The following CSMD2 variants were observed in gnomAD, a reference collection of about 807,000 sequenced individuals.
The protein encoded by CSMD2 is CUB and Sushi multiple domains 2, also known as CUB and sushi domain-containing protein 2.
In CSMD2, 130 loss-of-function variants were observed where a neutral mutation model predicts 398.5. The ratio of observed to expected loss-of-function variants is 0.33; its 90% confidence interval spans 0.28 to 0.38. The LOEUF is 0.38. Ranked by LOEUF, CSMD2 falls within the 10% of genes least tolerant of loss-of-function variation. The pLI is 1.00. For missense variants in CSMD2, 3,829 were observed against 4,764.9 expected (o/e 0.80, Z 5.78); for synonymous variants, 1,828 against 1,908.5 (o/e 0.96, Z 1.10).
intron 6 of CSMD2, among the ~76,000 whole-genome samples, chr1:33,840,622 G>A (rs1455675348): frequency 1.3e-5 from 2 of 152,190 alleles, no homozygotes; most frequent in Admixed American, 6.5e-5. Flanking sequence ...ATAAGAATAT[G>A]TGCTTTAAAT....
chr1:33,582,474 C>T (rs974720434), intron 47 of CSMD2, among the ~76,000 whole-genome samples: 2 of 152,156 alleles, frequency 1.3e-5, no homozygotes, highest in Non-Finnish European at 2.9e-5. Flanking sequence ...CAGACTTGAG[C>T]CAGGTTTCAT....
chr1:33,635,537 T>C lies in CSMD2; in HGVS notation c.4970-207A>G, dbSNP rs1642745721. 6.6e-6 allele frequency among the ~76,000 whole-genome samples: 1 copy of C among 152,204 alleles called. No individual in the cohort carries two copies. Among genetic ancestry groups the C allele is most frequent in the African/African-American group, 2.4e-5 (1 of 41,454 alleles). On this transcript the variant is annotated intron_variant, in intron 30 of 70. Coordinates refer to ENST00000373381, the MANE Select transcript of CSMD2 (RefSeq NM_001281956.2). This position sits in a 1 kb window ranked among gnomAD's most constrained non-coding sequence, Gnocchi z 5.0. The stretch of plus-strand genomic sequence containing the variant: ...CTGGCATGTAGCCTGAAACTTGCCC[T>C]GAAGCTACCGAGGGCCCTCTTGGGC...
intron 3 of CSMD2, among the ~76,000 whole-genome samples, chr1:33,944,236 C>T (rs1379355496): frequency 6.6e-6 from 1 of 152,006 alleles, no homozygotes; most frequent in Non-Finnish European, 1.5e-5. Context: ...GAACGCCCCC[C>T]CCCCAACTCC....
In CSMD2 at chr1:33,546,162, C is replaced by T; in HGVS notation, c.8975G>A (p.Gly2992Glu). The T allele has an allele frequency of 1.2e-6, 2 of 1,614,222 alleles. No homozygotes were observed. Among genetic ancestry groups the T allele is most frequent in the Non-Finnish European group, 1.7e-6 (2 of 1,180,036 alleles). The change falls in exon 57 of 71, where the codon GGG becomes GAG. Residue 2992 changes from glycine to glutamate, a missense_variant. Physicochemically the swap from Gly to Glu is moderately conservative, Grantham distance 98 (BLOSUM62 -2). Transcript: ENST00000373381. Reference protein sequence around the residue: ...PGIPAHGIRLGDSFDPGTVMR... With the variant: ...PGIPAHGIRLEDSFDPGTVMR... ...CACAGTGCCTGGATCAAAGCTGTCC[C>T]CCAAACGGATGCCATGAGCCGGGAT...
chr1:34,118,131 A>T (rs1030876374), intron 1 of CSMD2, among the ~76,000 whole-genome samples: 2 of 152,132 alleles, frequency 1.3e-5, no homozygotes, highest in Non-Finnish European at 2.9e-5. Context: ...CAAGAGAATC[A>T]CTTGAACCCA....
intron 29 of CSMD2, among the ~76,000 whole-genome samples, 156 bp downstream of exon 29, chr1:33,646,492 G>A (rs554175655): frequency 1.3e-5 from 2 of 152,322 alleles, no homozygotes; most frequent in South Asian, 2.1e-4. Context: ...GATGGGGGCC[G>A]CAGGAAAGGC....
intron 37 of CSMD2, among the ~76,000 whole-genome samples, chr1:33,620,067 G>T (rs1454678960): frequency 6.6e-6 from 1 of 152,190 alleles, no homozygotes; most frequent in African/African-American, 2.4e-5. Context: ...AGAGAAAAAT[G>T]GAGGGGGATA....
chr1:34,015,372 A>G (rs1647941450), intron 3 of CSMD2, among the ~76,000 whole-genome samples: 1 of 152,214 alleles, frequency 6.6e-6, no homozygotes, highest in South Asian at 2.1e-4. Flanking sequence ...AGATTAACCC[A>G]AGAACTCTAT....
chr1:33,540,045 T>G (rs915786637), intron 60 of CSMD2, among the ~76,000 whole-genome samples: 2 of 152,202 alleles, frequency 1.3e-5, no homozygotes, highest in Non-Finnish European at 2.9e-5. Context: ...ACCTGCTTAC[T>G]GGGGATCTCA....
Position 33,624,694 on chromosome 1 carries a change from C to A in CSMD2, c.5501-51G>T. On this transcript the variant is annotated intron_variant, in intron 34 of 70. Transcript: ENST00000373381. The surrounding 1 kb of genome is among the most constrained non-coding windows in gnomAD (Gnocchi z 4.7). ...AGGCTTTGTGGCCTCCCGTGGGAGC[C>A]TTCCCAAGCTGACTCCTCCCTCATG... 1 of 1,582,500 alleles carries A rather than the reference C, an allele frequency of 6.3e-7. No homozygotes were observed. The highest frequency in any genetic ancestry group is 1.1e-5 in the South Asian group (1 of 88,630).
intron 25 of CSMD2, among the ~76,000 whole-genome samples, chr1:33,676,539 G>GT (rs1298776892): frequency 6.6e-6 from 1 of 152,180 alleles, no homozygotes; most frequent in Non-Finnish European, 1.5e-5. Context: ...ACTGCCCAAC[G>GT]TAATTTATAG....
chr1:33,792,542 A>G lies in CSMD2; in HGVS notation c.1447-16T>C. 1 of 1,573,900 alleles carries G rather than the reference A, an allele frequency of 6.4e-7. No individual in the cohort carries two copies. The highest frequency in any genetic ancestry group is 1.3e-5 in the African/African-American group (1 of 74,146). ...GCTTGATCACCTAGGGAGGGAACAC[A>G]GGGTTAGGAGCAGGCAGGGGCTGTG... On this transcript the variant is annotated splice_polypyrimidine_tract_variant and intron_variant, in intron 10 of 70. Coordinates refer to ENST00000373381, the MANE Select transcript of CSMD2 (RefSeq NM_001281956.2).
intron 5 of CSMD2, among the ~76,000 whole-genome samples, chr1:33,893,909 C>A (rs1284522423): frequency 6.6e-6 from 1 of 152,176 alleles, no homozygotes; most frequent in Non-Finnish European, 1.5e-5. Flanking sequence ...GTGGCTGATA[C>A]TGGACTTTGA....
chr1:33,541,402 A>C, intron 58 of CSMD2, 93 bp from the exon 59 acceptor site: 3 of 929,474 alleles, frequency 3.2e-6, no homozygotes, highest in Non-Finnish European at 5.1e-6. Flanking sequence ...TGCATCCAAG[A>C]AGGGAAACTG....
At chr1:34,145,861 T>C (rs1639721488) in intron 1 of CSMD2, among the ~76,000 whole-genome samples, 1 of 152,114 alleles carries the variant, frequency 6.6e-6, no homozygotes, top group African/African-American at 2.4e-5. Flanking sequence ...AAGCCCCCCA[T>C]CATTCTCGTG....
intron 3 of CSMD2, among the ~76,000 whole-genome samples, chr1:34,008,970 C>A (rs1376523883): frequency 2.6e-5 from 4 of 152,056 alleles, no homozygotes; most frequent in Non-Finnish European, 5.9e-5. Flanking sequence ...AGCTCCCCAG[C>A]TTTCTTTGCC....
intron 5 of CSMD2, among the ~76,000 whole-genome samples, chr1:33,912,699 G>A (rs990790943): frequency 6.6e-6 from 1 of 152,126 alleles, no homozygotes. Context: ...TACTCTGTGA[G>A]CACCCCAGTA....
intron 41 of CSMD2, among the ~76,000 whole-genome samples, chr1:33,609,637 T>A (rs1640864452): frequency 6.6e-6 from 1 of 152,210 alleles, no homozygotes; most frequent in Non-Finnish European, 1.5e-5. Flanking sequence ...TTTTAAAAGA[T>A]AAATATGTTT....
chr1:34,064,340 C>T (rs1239066715), intron 2 of CSMD2, among the ~76,000 whole-genome samples: 1 of 152,194 alleles, frequency 6.6e-6, no homozygotes, highest in Non-Finnish European at 1.5e-5. Flanking sequence ...ATGTTTTTAA[C>T]AGCACTCAAG....
Sources: gnomAD v4.1 joint callset for allele counts (sites outside exome capture counted in the v4.1 genomes callset) on GRCh38, gnomAD v4.1.1 for gene constraint, Gnocchi (gnomAD v3.1) non-coding constraint, MANE v1.5 for transcripts, NCBI Gene and HGNC (gene_info 2026-07-23, HGNC 2026-07-21) for gene names.